SORCS1: variants seen among roughly 807,000 people sequenced by gnomAD.
SORCS1 encodes VPS10 domain-containing receptor SorCS1.
Under a neutral mutation model 146.1 loss-of-function variants are expected in SORCS1, and 60 were observed. The ratio of observed to expected loss-of-function variants is 0.41; its 90% CI spans 0.33 to 0.51. The LOEUF (loss-of-function observed/expected upper bound fraction) is 0.51. SORCS1 is among the 20% of genes least tolerant of loss of function. The pLI is 0.21. For missense variants in SORCS1, 1,352 were observed against 1,487.6 expected, an observed-to-expected ratio of 0.91 and a Z score of 1.50; for synonymous variants, 637 against 584.0, an observed-to-expected ratio of 1.09 and a Z score of -1.31.
chr10:106,987,049 G>A (rs1044648024), intron 1 of SORCS1, among the ~76,000 whole-genome samples: 14 of 152,166 alleles, frequency 9.2e-5, no homozygotes, highest in African/African-American at 2.6e-4. Flanking sequence ...CGAACCTTAC[G>A]GATGATGTTG....
At chr10:106,817,670 T>C (rs535336819) in intron 3 of SORCS1, among the ~76,000 whole-genome samples, 1 of 152,292 alleles carries the variant, frequency 6.6e-6, no homozygotes, top group South Asian at 2.1e-4. Flanking sequence ...TTATTAAGAT[T>C]CTAGAGAATG....
intron 1 of SORCS1, among the ~76,000 whole-genome samples, chr10:107,117,561 C>T (rs1176705849): frequency 6.6e-6 from 1 of 152,118 alleles, no homozygotes; most frequent in East Asian, 1.9e-4. Context: ...GACTTCTTCC[C>T]TAGTGGGCCT....
At chr10:106,981,000 A>C (rs190974635) in intron 1 of SORCS1, among the ~76,000 whole-genome samples, 120 of 152,272 alleles carry the variant, frequency 7.9e-4, no homozygotes, top group African/African-American at 2.8e-3. Context: ...GGAAAAAAAA[A>C]AACAACTGGG....
chr10:107,112,207 T>C (rs1033193726), intron 1 of SORCS1, among the ~76,000 whole-genome samples: 6 of 151,936 alleles, frequency 3.9e-5, no homozygotes, highest in African/African-American at 9.7e-5. Context: ...GAACACACAA[T>C]ATAAAAAGAT....
chr10:107,028,934 C>T (rs1406723388), intron 1 of SORCS1, among the ~76,000 whole-genome samples: 2 of 152,166 alleles, frequency 1.3e-5, no homozygotes, highest in African/African-American at 4.8e-5. Context: ...ATCAGTTGGA[C>T]TAGACAATCT....
intron 1 of SORCS1, among the ~76,000 whole-genome samples, chr10:107,146,865 T>A (rs918526247): frequency 2.6e-5 from 4 of 152,092 alleles, no homozygotes; most frequent in Non-Finnish European, 5.9e-5. Flanking sequence ...TGTGACTACT[T>A]CCTATTGTAC....
At position 106,715,310 on chromosome 10, in the gene SORCS1, T is replaced by C. The variant is rs535291993; in HGVS notation, c.1025-5969A>G. Among the ~76,000 whole-genome samples, 4 of 152,372 alleles carry C rather than the reference T, an allele frequency of 2.6e-5. No individual in the cohort carries two copies. The South Asian group carries it at 8.3e-4, about 32-fold the overall frequency. ...TACTTTTCCTACACAGATGTTTTCC[T>C]TGCCATAGGTAATTAGGACACTGTG... On this transcript the variant is annotated intron_variant, in intron 6 of 25. Coordinates refer to ENST00000263054, the MANE Select transcript of SORCS1 (RefSeq NM_052918.5).
At chr10:106,587,215 C>A (rs536821938) in intron 24 of SORCS1, among the ~76,000 whole-genome samples, 10 of 152,068 alleles carry the variant, frequency 6.6e-5, no homozygotes, top group Non-Finnish European at 1.2e-4. Flanking sequence ...GGTACCAAGG[C>A]TTTACTTAAA....
intron 1 of SORCS1, among the ~76,000 whole-genome samples, chr10:107,158,642 A>G (rs555373305): frequency 6.6e-6 from 1 of 152,318 alleles, no homozygotes; most frequent in South Asian, 2.1e-4. Flanking sequence ...CCGAGAGCTC[A>G]TTGAGGGCAG....
intron 4 of SORCS1, among the ~76,000 whole-genome samples, chr10:106,768,722 A>G (rs1351561829): frequency 6.6e-6 from 1 of 152,238 alleles, no homozygotes; most frequent in Non-Finnish European, 1.5e-5. Context: ...CTGGAAAGGC[A>G]CAGGGATAAG....
chr10:106,780,348 A>T (rs143164012), intron 3 of SORCS1, among the ~76,000 whole-genome samples: 1 of 152,332 alleles, frequency 6.6e-6, no homozygotes, highest in African/African-American at 2.4e-5. Context: ...TCTTCATGTA[A>T]CTTTGAACAA....
At chr10:106,629,491 T>C (rs1322004) in intron 18 of SORCS1, 103 bp from the exon 19 acceptor site, 1,209,673 of 1,217,788 alleles carry the variant, frequency 0.99, 601,093 homozygotes, top group East Asian at 1. Context: ...TCAGGCATGA[T>C]GGCAGCCCTG....
At chr10:106,592,601 T>C (rs1421776706) in intron 24 of SORCS1, among the ~76,000 whole-genome samples, 1 of 152,186 alleles carries the variant, frequency 6.6e-6, no homozygotes, top group Non-Finnish European at 1.5e-5. Flanking sequence ...CAGCATGTTG[T>C]AATGGTCCCT....
Position 106,577,016 on chromosome 10 carries a change from G to A in SORCS1, c.*404C>T, listed in dbSNP as rs1844608113. 3 of 290,882 alleles carry A rather than the reference G, an allele frequency of 1.0e-5. No homozygotes were observed. 18.0% of individuals were successfully genotyped at this position (290,882 alleles called of 1,614,324 possible). ...GAGGGGAGTGTTTTCCATTAAAATA[G>A]AGCACCTGTACACTGCCCCTCCAGA... On this transcript the variant is annotated 3_prime_UTR_variant, in exon 26 of 26. Coordinates refer to ENST00000263054, the MANE Select transcript of SORCS1 (RefSeq NM_052918.5).
chr10:107,094,916 T>G (rs142032866), intron 1 of SORCS1, among the ~76,000 whole-genome samples: 1 of 152,186 alleles, frequency 6.6e-6, no homozygotes, highest in South Asian at 2.1e-4. Context: ...ATAGACAGGT[T>G]TGATGATCTG....
intron 1 of SORCS1, among the ~76,000 whole-genome samples, chr10:107,068,303 A>C (rs1312438548): frequency 3.3e-5 from 5 of 152,140 alleles, no homozygotes; most frequent in Non-Finnish European, 5.9e-5. Flanking sequence ...CACTGAGGCA[A>C]CTGAACTCCC....
At chr10:106,706,924 T>C (rs1854574485) in intron 7 of SORCS1, among the ~76,000 whole-genome samples, 1 of 152,190 alleles carries the variant, frequency 6.6e-6, no homozygotes, top group South Asian at 2.1e-4. Context: ...TGGGGTACAT[T>C]GGCTGATTGC....
intron 5 of SORCS1, among the ~76,000 whole-genome samples, chr10:106,761,137 G>C (rs1398238321): frequency 6.6e-6 from 1 of 151,804 alleles, no homozygotes; most frequent in Non-Finnish European, 1.5e-5. Context: ...CAAGGAGAAG[G>C]CCTACAAGAT....
At chr10:107,031,304 T>G (rs1958644306) in intron 1 of SORCS1, among the ~76,000 whole-genome samples, 4 of 149,362 alleles carry the variant, frequency 2.7e-5, no homozygotes. Context: ...AGTGATCCTT[T>G]TCAACCCTTG....
Sources: allele counts gnomAD v4.1 joint callset (sites outside exome capture counted in the v4.1 genomes callset), GRCh38; gene constraint gnomAD v4.1.1; transcripts MANE v1.5; gene names NCBI Gene and HGNC (gene_info 2026-07-23, HGNC 2026-07-21).